Variants in CSNK1G3 observed in about 807,000 individuals in gnomAD.
The protein encoded by CSNK1G3 is casein kinase 1 gamma 3.
A neutral mutation model predicts 64.3 loss-of-function variants in CSNK1G3; 23 were observed. The observed-to-expected ratio is 0.36, with a 90% CI of 0.26 to 0.51. The LOEUF (loss-of-function observed/expected upper bound fraction) is 0.51, where lower values mean the gene tolerates loss of function less well. Among genes scored for constraint, CSNK1G3 ranks in the 20% least tolerant of loss-of-function variants. The probability of loss-of-function intolerance (pLI) is 0.96; values close to 1 mark genes in which losing one functional copy is unlikely to be tolerated. For synonymous variants in CSNK1G3, 158 were observed against 162.2 expected, an observed-to-expected ratio of 0.97 and a Z score of 0.20; for missense variants, 357 against 510.5, an observed-to-expected ratio of 0.70 and a Z score of 2.90.
At chr5:123,576,249 A>T (rs1357716507) in intron 6 of CSNK1G3, among the ~76,000 whole-genome samples, 1 of 152,142 alleles carries the variant, frequency 6.6e-6, no homozygotes, top group African/African-American at 2.4e-5. Flanking sequence ...GATGCATTTA[A>T]TCATTTCTCT....
exon 13 of CSNK1G3, chr5:123,614,465 T>A: frequency 7.3e-7 from 1 of 1,363,752 alleles, no homozygotes. Context: ...TAAAATCATC[T>A]CTGTAGTGAC....
At chr5:123,547,984 C>T (rs1290996787) in intron 2 of CSNK1G3, among the ~76,000 whole-genome samples, 2 of 152,062 alleles carry the variant, frequency 1.3e-5, no homozygotes, top group East Asian at 3.9e-4. Context: ...TTAATAGATA[C>T]ATCTTGAACA....
intron 5 of CSNK1G3, 21 bp from the exon 6 acceptor site, chr5:123,575,705 CTCT>C (rs1561553548): frequency 2.0e-6 from 3 of 1,508,500 alleles, no homozygotes; most frequent in Non-Finnish European, 9.2e-7. Flanking sequence ...AATAAAACTT[CTCT>C]TCTTTTTTTC....
intron 1 of CSNK1G3, among the ~76,000 whole-genome samples, chr5:123,522,133 C>T (rs1778216127): frequency 6.6e-6 from 1 of 152,048 alleles, no homozygotes; most frequent in Non-Finnish European, 1.5e-5. Flanking sequence ...AAAATATTAG[C>T]AAGAGAATCA....
intron 12 of CSNK1G3, among the ~76,000 whole-genome samples, chr5:123,610,857 C>A (rs1017078001): frequency 6.6e-6 from 1 of 152,092 alleles, no homozygotes; most frequent in Admixed American, 6.6e-5. Context: ...GCCTGTAGTC[C>A]CAGCTACTCA....
chr5:123,593,430 T>TA (rs1792818927), intron 10 of CSNK1G3, among the ~76,000 whole-genome samples: 3 of 152,052 alleles, frequency 2.0e-5, no homozygotes, highest in Admixed American at 2.0e-4. Context: ...TCACGTGACT[T>TA]AAACCTTTGT....
intron 1 of CSNK1G3, among the ~76,000 whole-genome samples, chr5:123,527,630 T>C (rs1580904072): frequency 6.6e-6 from 1 of 152,196 alleles, no homozygotes; most frequent in East Asian, 1.9e-4. Flanking sequence ...TACTAGTCTA[T>C]GTATTAGTAG....
intron 7 of CSNK1G3, 118 bp downstream of exon 7, chr5:123,588,271 C>A (rs1791690587): frequency 9.7e-7 from 1 of 1,028,074 alleles, no homozygotes; most frequent in Non-Finnish European, 1.5e-6. Flanking sequence ...GGCATCAGGG[C>A]TCCCTGTGTT....
chr5:123,520,445 T>C (rs1468389052), intron 1 of CSNK1G3, among the ~76,000 whole-genome samples: 1 of 151,900 alleles, frequency 6.6e-6, no homozygotes, highest in Non-Finnish European at 1.5e-5. Flanking sequence ...GCTGTCACTG[T>C]GCATTATTTC....
At chr5:123,547,629 T>G (rs529681307) in intron 2 of CSNK1G3, among the ~76,000 whole-genome samples, 2 of 152,252 alleles carry the variant, frequency 1.3e-5, no homozygotes, top group East Asian at 3.9e-4. Context: ...GTATCGTGGC[T>G]TCTTAGTACA....
At chr5:123,532,734 A>G (rs780664908) in intron 1 of CSNK1G3, among the ~76,000 whole-genome samples, 26 of 152,004 alleles carry the variant, frequency 1.7e-4, no homozygotes, top group Non-Finnish European at 2.5e-4. Flanking sequence ...ATTCTTCTCA[A>G]ATTTCACAGT....
chr5:123,560,980 G>A (rs928726068), intron 4 of CSNK1G3, among the ~76,000 whole-genome samples: 3 of 152,072 alleles, frequency 2.0e-5, no homozygotes, highest in East Asian at 1.9e-4. Flanking sequence ...AATTCTATGT[G>A]TATTTTACCA....
At chr5:123,563,834 ATACT>A (rs1561528761) in intron 4 of CSNK1G3, among the ~76,000 whole-genome samples, 1 of 152,094 alleles carries the variant, frequency 6.6e-6, no homozygotes. Context: ...AAGTGAATAA[ATACT>A]TAGACTATTG....
chr5:123,562,759 T>C (rs917429949), intron 4 of CSNK1G3, among the ~76,000 whole-genome samples: 1 of 152,004 alleles, frequency 6.6e-6, no homozygotes, highest in Admixed American at 6.6e-5. Flanking sequence ...GGTGAGAATT[T>C]TTTAATTAAT....
intron 1 of CSNK1G3, among the ~76,000 whole-genome samples, chr5:123,540,146 T>C (rs1055494324): frequency 4.6e-5 from 7 of 152,186 alleles, no homozygotes; most frequent in Non-Finnish European, 8.8e-5. Context: ...GATAATTTCT[T>C]TGGAAATTAT....
At chr5:123,615,679 A>C (rs1046738655) in exon 13 of CSNK1G3, 75 of 152,280 alleles carry the variant, frequency 4.9e-4, no homozygotes, top group Admixed American at 1.0e-3. Context: ...CCATAAAGAC[A>C]CACATGTAGT....
chr5:123,554,605 G>T (rs1784290424), intron 3 of CSNK1G3, among the ~76,000 whole-genome samples: 1 of 152,232 alleles, frequency 6.6e-6, no homozygotes, highest in Admixed American at 6.5e-5. Flanking sequence ...GGGATTACAG[G>T]CGTGAGCCAC....
chr5:123,545,974 T>C, intron 2 of CSNK1G3, 133 bp downstream of exon 2: 4 of 822,916 alleles, frequency 4.9e-6, no homozygotes, highest in Non-Finnish European at 7.5e-6. Flanking sequence ...AATAAAGATG[T>C]TGGAAATTTC....
chr5:123,605,498 G>A, intron 12 of CSNK1G3, 136 bp downstream of exon 13: 2 of 970,922 alleles, frequency 2.1e-6, no homozygotes, highest in Non-Finnish European at 3.0e-6. Flanking sequence ...AAAAGTATTT[G>A]ATATCATTAA....
Sources: allele counts gnomAD v4.1 joint callset (sites outside exome capture counted in the v4.1 genomes callset), GRCh38; gene constraint gnomAD v4.1.1; transcripts MANE v1.5; gene names NCBI Gene and HGNC (gene_info 2026-07-23, HGNC 2026-07-21).